The following STXBP4 variants were observed in gnomAD, a reference collection of about 807,000 sequenced individuals.
STXBP4 encodes syntaxin binding protein 4, also known as syntaxin-binding protein 4.
A neutral mutation model predicts 76.1 loss-of-function variants in STXBP4; 55 were observed. That is an observed-to-expected ratio of 0.72 (90% CI 0.58 to 0.91). STXBP4 has a LOEUF of 0.91. Ranked by LOEUF, STXBP4 falls within the 40% of genes least tolerant of loss-of-function variation. The pLI is 0.00. For missense variants in STXBP4, 618 were observed against 636.9 expected (o/e 0.97, Z 0.32); for synonymous variants, 201 against 220.2 (o/e 0.91, Z 0.77).
intron 11 of STXBP4, among the ~76,000 whole-genome samples, chr17:55,045,345 T>C (rs888909279): frequency 2.6e-5 from 4 of 152,128 alleles, no homozygotes; most frequent in African/African-American, 7.2e-5. Flanking sequence ...CCTTATATTC[T>C]CTTAGAAAAC....
the STXBP4 span, among the ~76,000 whole-genome samples, chr17:55,197,794 A>T: frequency 6.6e-6 from 1 of 152,160 alleles, no homozygotes; most frequent in Non-Finnish European, 1.5e-5. Context: ...GAGACAGAAC[A>T]AAGCATTGTT....
chr17:55,180,868 G>A, the STXBP4 span, among the ~76,000 whole-genome samples: 9 of 152,296 alleles, frequency 5.9e-5, no homozygotes, highest in African/African-American at 1.9e-4. Flanking sequence ...AGGTCAAGGT[G>A]GATAGCACCT....
At chr17:55,040,183 A>G (rs1598251904) in intron 10 of STXBP4, among the ~76,000 whole-genome samples, 1 of 152,156 alleles carries the variant, frequency 6.6e-6, no homozygotes, top group Non-Finnish European at 1.5e-5. Flanking sequence ...GCCTTCAACA[A>G]TGTTATATAT....
chr17:55,082,566 G>A (rs12600350), intron 16 of STXBP4, among the ~76,000 whole-genome samples: 30,258 of 151,930 alleles, frequency 0.2, 3,582 homozygotes, highest in East Asian at 0.5. Context: ...GCACAGGACC[G>A]TTCAGTGTAT....
At chr17:54,970,810 G>T (rs2077388439) in intron 1 of STXBP4, among the ~76,000 whole-genome samples, 2 of 152,036 alleles carry the variant, frequency 1.3e-5, no homozygotes, top group African/African-American at 4.8e-5. Flanking sequence ...TTCATTTTTT[G>T]TATAATAATT....
intron 10 of STXBP4, 149 bp from the exon 11 acceptor site, chr17:55,043,087 C>T (rs1215181297): frequency 5.6e-5 from 22 of 395,396 alleles, no homozygotes; most frequent in Non-Finnish European, 2.7e-5. Context: ...TTTAATATCC[C>T]CTTTATCTAA....
intron 16 of STXBP4, among the ~76,000 whole-genome samples, chr17:55,128,220 G>A (rs2079933555): frequency 6.6e-6 from 1 of 152,138 alleles, no homozygotes; most frequent in South Asian, 2.1e-4. Flanking sequence ...TCCTGAATCT[G>A]GGTCCCATTA....
intron 1 of STXBP4, among the ~76,000 whole-genome samples, chr17:54,983,244 C>G (rs898494795): frequency 1.3e-5 from 2 of 152,064 alleles, no homozygotes; most frequent in African/African-American, 2.4e-5. Flanking sequence ...TAGGACACTG[C>G]CAGCATGTTA....
intron 13 of STXBP4, among the ~76,000 whole-genome samples, chr17:55,073,894 G>T (rs943982737): frequency 1.3e-5 from 2 of 152,270 alleles, no homozygotes; most frequent in South Asian, 4.1e-4. Context: ...CTTCCAAAGT[G>T]CTGGGATTAC....
intron 16 of STXBP4, among the ~76,000 whole-genome samples, chr17:55,096,429 A>G (rs1044899565): frequency 6.6e-5 from 10 of 152,320 alleles, no homozygotes; most frequent in African/African-American, 2.2e-4. Flanking sequence ...AATAAAATAT[A>G]CCTCATCTTA....
chr17:54,997,985 T>C (rs2077844261), intron 4 of STXBP4, among the ~76,000 whole-genome samples: 2 of 152,124 alleles, frequency 1.3e-5, no homozygotes, highest in South Asian at 4.1e-4. Context: ...CTAGATTATA[T>C]AATCTTTTAC....
chr17:55,042,552 GA>G (rs2078720056), intron 10 of STXBP4, among the ~76,000 whole-genome samples: 1 of 151,646 alleles, frequency 6.6e-6, no homozygotes, highest in Non-Finnish European at 1.5e-5. Flanking sequence ...TTCCACATAG[GA>G]GATGGCTGTA....
rs188627732 is a variant in STXBP4, at chr17:55,047,990, A to G, written c.1011+836A>G. ...AATAAAGAGTAGAGAGAAACTATGAATTAGATGAAGAACAAACAAAATCAC... is the reference window on the plus strand; with the variant it reads ...AATAAAGAGTAGAGAGAAACTATGAGTTAGATGAAGAACAAACAAAATCAC... On this transcript the variant is annotated intron_variant, in intron 12 of 17. Transcript: ENST00000376352. Among the ~76,000 whole-genome samples, 4 of 152,020 alleles carry G rather than the reference A, an allele frequency of 2.6e-5. No individual in the cohort carries two copies. In the East Asian group the frequency reaches 7.7e-4, roughly 29 times the overall value.
rs373124436 is a variant in STXBP4 at position 55,009,130 on chromosome 17, C to G, written c.666+1533C>G. On this transcript the variant is annotated intron_variant, in intron 8 of 17. Coordinates refer to ENST00000376352, the MANE Select transcript of STXBP4 (RefSeq NM_178509.6). ...TTAGTGTTTAAATAGCTGCTTCGTGCTCCATAAAATTTTCCAATTAATTAG... is the reference window on the plus strand; with the variant it reads ...TTAGTGTTTAAATAGCTGCTTCGTGGTCCATAAAATTTTCCAATTAATTAG... 1.4e-3 allele frequency among the ~76,000 whole-genome samples: 213 copies of G among 152,240 alleles called. 1 individual carries two copies. Among genetic ancestry groups the G allele is most frequent in the African/African-American group, 4.9e-3 (204 of 41,558 alleles).
intron 1 of STXBP4, among the ~76,000 whole-genome samples, chr17:54,970,078 G>A (rs928333841): frequency 5.3e-5 from 8 of 152,132 alleles, no homozygotes; most frequent in African/African-American, 1.9e-4. Flanking sequence ...AAAGGCCCAG[G>A]GGAAGGAAAG....
At chr17:54,989,453 G>A (rs1010746360) in intron 3 of STXBP4, among the ~76,000 whole-genome samples, 12 of 152,036 alleles carry the variant, frequency 7.9e-5, no homozygotes, top group Non-Finnish European at 5.9e-5. Context: ...AAGATAGCTG[G>A]AAGTCCTATA....
chr17:55,078,377 G>A (rs1458186100), intron 14 of STXBP4, among the ~76,000 whole-genome samples, 183 bp downstream of exon 14: 41 of 152,284 alleles, frequency 2.7e-4, no homozygotes, highest in Non-Finnish European at 5.9e-5. Flanking sequence ...TTTATAGATT[G>A]TTTAGAGAAA....
In STXBP4 at chr17:55,000,882, A is replaced by G; in HGVS notation, c.573A>G (p.Thr191=). 6.4e-7 allele frequency: 1 copy of G among 1,567,960 alleles called. No individual in the cohort carries two copies. Among genetic ancestry groups the G allele is most frequent in the Non-Finnish European group, 8.8e-7 (1 of 1,140,990 alleles). ...ACAGTACTGTGGGTTTGTCTAATAC[A>G]GGTAAATACACATTTAATTTCTATT... ...SENSTVGLSN[T]DVASAWTENY... Residue 191 remains threonine, a splice_region_variant and synonymous_variant, in exon 7 of 18, where the codon ACA becomes ACG. Transcript: ENST00000376352.
intron 12 of STXBP4, among the ~76,000 whole-genome samples, chr17:55,061,950 A>G (rs1178071334): frequency 6.6e-6 from 1 of 152,148 alleles, no homozygotes; most frequent in Non-Finnish European, 1.5e-5. Flanking sequence ...GAGGTTGGAT[A>G]AAGAGTGCAT....
Sources: allele counts gnomAD v4.1 joint callset (sites outside exome capture counted in the v4.1 genomes callset), GRCh38; gene constraint gnomAD v4.1.1; transcripts MANE v1.5; gene names NCBI Gene and HGNC (gene_info 2026-07-23, HGNC 2026-07-21).